The following HTR2A variants were observed in gnomAD, a reference collection of about 807,000 sequenced individuals.
The protein encoded by HTR2A is 5-hydroxytryptamine receptor 2A.
A neutral mutation model predicts 31.0 loss-of-function variants in HTR2A; 14 were observed. The observed-to-expected ratio is 0.45, with a 90% CI of 0.30 to 0.71. The LOEUF (loss-of-function observed/expected upper bound fraction) is 0.71. HTR2A is among the 30% of genes least tolerant of loss of function. HTR2A has a pLI of 0.09. For synonymous variants in HTR2A, 209 were observed against 225.2 expected (o/e 0.93, Z 0.64); for missense variants, 442 against 573.3 (o/e 0.77, Z 2.34).
At chr13:46,898,006 G>A (rs1278018984), upstream of HTR2A, among the ~76,000 whole-genome samples, 1 of 152,170 alleles carries the variant, frequency 6.6e-6, no homozygotes, top group East Asian at 1.9e-4. Context: ...TGTTATCCGC[G>A]ACTCTTCCTT....
intron 3 of HTR2A, among the ~76,000 whole-genome samples, chr13:46,878,232 A>G (rs947782204): frequency 6.6e-6 from 1 of 152,136 alleles, no homozygotes; most frequent in Non-Finnish European, 1.5e-5. Context: ...GGGAGGAGAA[A>G]ACTGATCTAG....
intron 3 of HTR2A, among the ~76,000 whole-genome samples, chr13:46,885,740 C>T (rs1951000789): frequency 6.6e-6 from 1 of 152,220 alleles, no homozygotes; most frequent in Admixed American, 6.5e-5. Flanking sequence ...TTCAGGGCAG[C>T]ACTGGCTGTC....
At chr13:46,866,727 A>T (rs1017573280) in intron 3 of HTR2A, among the ~76,000 whole-genome samples, 3 of 152,218 alleles carry the variant, frequency 2.0e-5, no homozygotes, top group Non-Finnish European at 4.4e-5. Context: ...TACATAACAC[A>T]TCAGAAGGTA....
intron 3 of HTR2A, among the ~76,000 whole-genome samples, chr13:46,866,753 A>T (rs1026658147): frequency 1.9e-4 from 29 of 152,238 alleles, no homozygotes; most frequent in African/African-American, 7.0e-4. Context: ...TAGGCCAGGT[A>T]CGGTGGCTCA....
In HTR2A at chr13:46,895,962, T is replaced by C; in HGVS notation, c.-56A>G. 1 of 1,544,912 alleles carries C rather than the reference T, an allele frequency of 6.5e-7. No individual in the cohort carries two copies. Among genetic ancestry groups the C allele is most frequent in the African/African-American group, 1.4e-5 (1 of 73,128 alleles). On this transcript the variant is annotated 5_prime_UTR_variant, in exon 2 of 4. Coordinates refer to ENST00000542664, the MANE Select transcript of HTR2A (RefSeq NM_000621.5). This position sits in a 1 kb window ranked among gnomAD's most constrained non-coding sequence, Gnocchi z 4.4. ...GTAGAAGGACTAACAGGTTATAGTT[T>C]CTGCTCACCATTCACCTTGATGTAC...
intron 3 of HTR2A, among the ~76,000 whole-genome samples, chr13:46,839,720 T>C (rs1036736478): frequency 2.6e-5 from 4 of 152,192 alleles, no homozygotes; most frequent in Admixed American, 6.6e-5. Context: ...TTCATTTCCA[T>C]TGAAACTCAG....
At chr13:46,844,633 GC>G (rs1469099589) in intron 3 of HTR2A, among the ~76,000 whole-genome samples, 2 of 152,098 alleles carry the variant, frequency 1.3e-5, no homozygotes, top group Non-Finnish European at 2.9e-5. Flanking sequence ...CTGGATCTAG[GC>G]CCGTTATTTT....
At chr13:46,858,005 G>A (rs1480103980) in intron 3 of HTR2A, among the ~76,000 whole-genome samples, 1 of 152,154 alleles carries the variant, frequency 6.6e-6, no homozygotes, top group Non-Finnish European at 1.5e-5. Context: ...AAGCAAGGTG[G>A]GAAATGAGAA....
chr13:46,890,753 G>C (rs917204488), intron 3 of HTR2A, among the ~76,000 whole-genome samples: 2 of 152,014 alleles, frequency 1.3e-5, no homozygotes, highest in African/African-American at 4.8e-5. Flanking sequence ...CAGTGTATCA[G>C]GGTAAAAATA....
chr13:46,838,317 G>A (rs551693459), intron 3 of HTR2A, among the ~76,000 whole-genome samples: 74 of 152,166 alleles, frequency 4.9e-4, no homozygotes, highest in African/African-American at 1.7e-3. Flanking sequence ...CATTCCTATA[G>A]TCCCCACTTC....
chr13:46,872,838 C>T (rs1475216423), intron 3 of HTR2A, among the ~76,000 whole-genome samples: 1 of 152,176 alleles, frequency 6.6e-6, no homozygotes, highest in African/African-American at 2.4e-5. Flanking sequence ...CCCATTAGTT[C>T]CTACTCAGAT....
chr13:46,888,286 CAG>C (rs1951025686), intron 3 of HTR2A, among the ~76,000 whole-genome samples: 2 of 152,126 alleles, frequency 1.3e-5, no homozygotes, highest in Non-Finnish European at 2.9e-5. Flanking sequence ...AGGATAAAAA[CAG>C]AAACTAATTC....
chr13:46,880,552 C>T (rs1486087194), intron 3 of HTR2A, among the ~76,000 whole-genome samples: 1 of 152,240 alleles, frequency 6.6e-6, no homozygotes, highest in East Asian at 1.9e-4. Context: ...AAATGAAGCA[C>T]TTCTGACCGG....
At chr13:46,836,263 T>C (rs1469344267) in intron 3 of HTR2A, among the ~76,000 whole-genome samples, 1 of 151,980 alleles carries the variant, frequency 6.6e-6, no homozygotes, top group African/African-American at 2.4e-5. Flanking sequence ...TATAGTTTAT[T>C]TTCTCTCTAG....
rs139472849 is a variant in HTR2A at position 46,835,176 on chromosome 13, C to G, written c.1077G>C (p.Gly359=). ...TCCAAACAAACACATTGAGCAGGGC[C>G]CCAATGACATCCTCATTGCAGGACT... ...CKESCNEDVI[G]ALLNVFVWIG... is the part of the protein sequence containing the mutation. Residue 359 remains glycine, a synonymous_variant, in exon 4 of 4, where the codon GGG becomes GGC. Coordinates refer to ENST00000542664, the MANE Select transcript of HTR2A (RefSeq NM_000621.5). 3.1e-5 allele frequency: 50 copies of G among 1,613,908 alleles called. 1 individual carries two copies. The highest frequency in any genetic ancestry group is 1.6e-4 in the South Asian group (15 of 91,078).
At position 46,895,995 on chromosome 13, in the gene HTR2A, C is replaced by T. The variant is rs1951101147; in HGVS notation, c.-89G>A. ...CCATTCACCTTGATGTACCCACACTCTGTAACACTGAGGCTGGTGTACATG... is the reference window on the plus strand; with the variant it reads ...CCATTCACCTTGATGTACCCACACTTTGTAACACTGAGGCTGGTGTACATG... On this transcript the variant is annotated 5_prime_UTR_variant, in exon 2 of 4. Coordinates refer to ENST00000542664, the MANE Select transcript of HTR2A (RefSeq NM_000621.5). The surrounding 1 kb of genome is among the most constrained non-coding windows in gnomAD (Gnocchi z 4.4). 6.6e-7 allele frequency: 1 copy of T among 1,504,660 alleles called. No homozygotes were observed. The highest frequency in any genetic ancestry group is 8.8e-7 in the Non-Finnish European group (1 of 1,134,692). 93.2% of individuals were successfully genotyped at this position (1,504,660 alleles called of 1,614,324 possible).
Position 46,896,673 on chromosome 13 carries a change from C to A in HTR2A, c.-329+1G>T. On this transcript the variant is annotated splice_donor_variant, in intron 1 of 3. Coordinates refer to ENST00000542664, the MANE Select transcript of HTR2A (RefSeq NM_000621.5). LOFTEE classifies it low-confidence loss of function (5UTR_SPLICE). ...TAAAATATAGCGGCATGAGAACTTA[C>A]ATTTGTCTTCAGGGTCCACACATGA... 1.3e-6 allele frequency: 2 copies of A among 1,521,482 alleles called. No homozygotes were observed. Among genetic ancestry groups the A allele is most frequent in the South Asian group, 1.2e-5 (1 of 81,562 alleles). 94.2% of individuals were successfully genotyped at this position (1,521,482 alleles called of 1,614,324 possible).
intron 3 of HTR2A, among the ~76,000 whole-genome samples, chr13:46,874,761 G>A (rs1037504467): frequency 2.0e-5 from 3 of 152,224 alleles, no homozygotes; most frequent in Non-Finnish European, 4.4e-5. Flanking sequence ...TTGAGGACTG[G>A]TATAGGAAAT....
chr13:46,837,078 G>A (rs555743917), intron 3 of HTR2A, among the ~76,000 whole-genome samples: 1 of 152,296 alleles, frequency 6.6e-6, no homozygotes, highest in African/African-American at 2.4e-5. Context: ...TGGGGGATCT[G>A]TAAGGCTCCC....
Sources: gnomAD v4.1 joint callset for allele counts (sites outside exome capture counted in the v4.1 genomes callset) on GRCh38, gnomAD v4.1.1 for gene constraint, Gnocchi (gnomAD v3.1) non-coding constraint, MANE v1.5 for transcripts, NCBI Gene and HGNC (gene_info 2026-07-23, HGNC 2026-07-21) for gene names.